Variants in BAALC observed in about 807,000 individuals in gnomAD.
The protein encoded by BAALC is brain and acute leukemia cytoplasmic protein.
Under a neutral mutation model 15.5 loss-of-function variants are expected in BAALC, and 9 were observed. The ratio of observed to expected loss-of-function variants is 0.58; its 90% CI spans 0.35 to 1.02. BAALC has a LOEUF of 1.02. Ranked by LOEUF, BAALC falls within the 50% of genes least tolerant of loss-of-function variation. BAALC has a pLI of 0.02. For synonymous variants in BAALC, 80 were observed against 74.6 expected (o/e 1.07, Z -0.37); for missense variants, 201 against 192.4 (o/e 1.04, Z -0.27).
chr8:103,188,405 T>C (rs553750352), intron 1 of BAALC, among the ~76,000 whole-genome samples: 2 of 152,086 alleles, frequency 1.3e-5, no homozygotes, highest in African/African-American at 4.8e-5. Flanking sequence ...AGTCTGAAAG[T>C]GGGGATGGGG....
rs191339078 is a variant in BAALC at position 103,230,290 on chromosome 8, A to G, written c.*2191A>G. On this transcript the variant is annotated 3_prime_UTR_variant, in exon 3 of 3. Coordinates refer to ENST00000309982, the MANE Select transcript of BAALC (RefSeq NM_024812.3). Reference sequence around the variant, plus strand: ...TTGCAAAGTTTGTGTCAATAAAGTCATTAATTTTAAACATATATGGGCAGT... The same window carrying G: ...TTGCAAAGTTTGTGTCAATAAAGTCGTTAATTTTAAACATATATGGGCAGT... 3.1e-3 allele frequency: 475 copies of G among 152,348 alleles called. 2 individuals carry two copies. The highest frequency in any genetic ancestry group is 0.011 in the African/African-American group (453 of 41,578). 9.4% of individuals were successfully genotyped at this position (152,348 alleles called of 1,614,324 possible).
chr8:103,151,758 TA>T (rs34866368), intron 1 of BAALC, among the ~76,000 whole-genome samples: 7 of 149,778 alleles, frequency 4.7e-5, no homozygotes, highest in South Asian at 4.2e-4. Flanking sequence ...CCTCTGAATA[TA>T]AAAAAAAAAA....
chr8:103,190,194 G>A (rs1811934083), intron 1 of BAALC, among the ~76,000 whole-genome samples: 1 of 152,162 alleles, frequency 6.6e-6, no homozygotes, highest in Admixed American at 6.5e-5. Flanking sequence ...CATGGTAAAT[G>A]CAGTTTGGAT....
chr8:103,146,205 GA>G (rs948572533), intron 1 of BAALC, among the ~76,000 whole-genome samples: 5 of 152,168 alleles, frequency 3.3e-5, no homozygotes, highest in African/African-American at 1.2e-4. Context: ...TCTGCCTGGG[GA>G]GGGGTCAGTG....
chr8:103,189,392 A>G (rs928003883), intron 1 of BAALC, among the ~76,000 whole-genome samples: 2 of 152,250 alleles, frequency 1.3e-5, no homozygotes, highest in African/African-American at 4.8e-5. Flanking sequence ...TAGCATAAAT[A>G]CGATCAAAAA....
chr8:103,183,219 C>G (rs1811765101), intron 1 of BAALC: 2 of 644,404 alleles, frequency 3.1e-6, no homozygotes, highest in African/African-American at 3.6e-5. Flanking sequence ...GTGAAAATGG[C>G]TGTTGGGTGG....
intron 1 of BAALC, among the ~76,000 whole-genome samples, chr8:103,161,514 C>T (rs1039848314): frequency 6.6e-6 from 1 of 152,120 alleles, no homozygotes; most frequent in East Asian, 1.9e-4. Flanking sequence ...GTGGATGTGT[C>T]CTGGTTTATT....
At position 103,229,527 on chromosome 8, in the gene BAALC, A is replaced by T. The variant is rs1447670728; in HGVS notation, c.*1428A>T. ...CAGATTGTATATTTATTCACAAAAC[A>T]TTAAATGTCCATCCTGTGCCAGGTA... On this transcript the variant is annotated 3_prime_UTR_variant, in exon 3 of 3. Coordinates refer to ENST00000309982, the MANE Select transcript of BAALC (RefSeq NM_024812.3). 6.6e-6 allele frequency: 1 copy of T among 152,214 alleles called. No individual in the cohort carries two copies. Among genetic ancestry groups the T allele is most frequent in the Non-Finnish European group, 1.5e-5 (1 of 68,036 alleles). 9.4% of individuals were successfully genotyped at this position (152,214 alleles called of 1,614,324 possible).
intron 1 of BAALC, among the ~76,000 whole-genome samples, chr8:103,173,245 C>T (rs917461577): frequency 6.6e-6 from 1 of 152,192 alleles, no homozygotes; most frequent in African/African-American, 2.4e-5. Context: ...GATGAGGATG[C>T]CACTGTTTCC....
At chr8:103,143,265 C>A (rs1810821148) in intron 1 of BAALC, among the ~76,000 whole-genome samples, 1 of 152,106 alleles carries the variant, frequency 6.6e-6, no homozygotes, top group South Asian at 2.1e-4. Context: ...GTATTCCTTT[C>A]ATCTTCTCTG....
intron 1 of BAALC, among the ~76,000 whole-genome samples, chr8:103,197,107 G>C (rs955040085): frequency 6.6e-6 from 1 of 152,152 alleles, no homozygotes; most frequent in Non-Finnish European, 1.5e-5. Flanking sequence ...CAAACAAAAG[G>C]CTTTCATTTA....
Position 103,212,918 on chromosome 8 carries a change from G to A in BAALC, c.161-1G>A. 1 of 1,612,010 alleles carries A rather than the reference G, an allele frequency of 6.2e-7. No homozygotes were observed. Among genetic ancestry groups the A allele is most frequent in the Admixed American group, 1.7e-5 (1 of 59,938 alleles). ...TTCCATCCTCTGCTTACCTCCCCCA[G>A]GCATGCTGGAAGATGGACTGCCCTC... On this transcript the variant is annotated splice_acceptor_variant, in intron 1 of 2. Coordinates refer to ENST00000309982, the MANE Select transcript of BAALC (RefSeq NM_024812.3). LOFTEE classifies it high-confidence loss of function.
At chr8:103,219,653 C>A (rs562886824) in intron 2 of BAALC, 2 of 152,430 alleles carry the variant, frequency 1.3e-5, no homozygotes, top group South Asian at 4.1e-4. Flanking sequence ...GCAGCATAGT[C>A]TGACCCCTGC....
At chr8:103,210,850 T>C (rs1812433708) in intron 1 of BAALC, among the ~76,000 whole-genome samples, 1 of 152,224 alleles carries the variant, frequency 6.6e-6, no homozygotes, top group Non-Finnish European at 1.5e-5. Context: ...TATATACTGT[T>C]GGCAGATGGT....
At position 103,228,210 on chromosome 8, in the gene BAALC, C is replaced by A. The variant is rs1586450249; in HGVS notation, c.*111C>A. On this transcript the variant is annotated 3_prime_UTR_variant, in exon 3 of 3. Transcript: ENST00000309982. ...TGCCCCTTGCTGGACCTGAATTCTA[C>A]TGAGTCCCTGGCAAGACTGTCTTAC... 1 of 726,220 alleles carries A rather than the reference C, an allele frequency of 1.4e-6. No individual in the cohort carries two copies. The highest frequency in any genetic ancestry group is 2.3e-6 in the Non-Finnish European group (1 of 433,082). The allele number at this position is 726,220 out of a possible 1,614,324, so 45.0% of individuals were successfully genotyped here.
chr8:103,183,135 T>A (rs1223367178), intron 1 of BAALC, among the ~76,000 whole-genome samples: 1 of 152,204 alleles, frequency 6.6e-6, no homozygotes, highest in Non-Finnish European at 1.5e-5. Context: ...CTGGGGGAAG[T>A]GCTGCTGGGG....
intron 1 of BAALC, chr8:103,165,858 C>A (rs901490775): frequency 2.6e-5 from 4 of 152,294 alleles, no homozygotes; most frequent in South Asian, 2.1e-4. Context: ...ATAAAATACA[C>A]CCCCAGAGTG....
chr8:103,149,060 C>T (rs1810929341), intron 1 of BAALC, among the ~76,000 whole-genome samples: 1 of 152,196 alleles, frequency 6.6e-6, no homozygotes, highest in Non-Finnish European at 1.5e-5. Context: ...GAGACTGAGC[C>T]AGGCCACCAG....
At chr8:103,157,151 C>G (rs540212532) in intron 1 of BAALC, 2 of 149,864 alleles carry the variant, frequency 1.3e-5, no homozygotes, top group Non-Finnish European at 3.0e-5. Flanking sequence ...CACACACACA[C>G]CACACACAAA....
Sources: gnomAD v4.1 joint callset for allele counts (sites outside exome capture counted in the v4.1 genomes callset) on GRCh38, gnomAD v4.1.1 for gene constraint, MANE v1.5 for transcripts, NCBI Gene and HGNC (gene_info 2026-07-23, HGNC 2026-07-21) for gene names.